UBR2: variants seen among roughly 807,000 people sequenced by gnomAD.
UBR2 encodes E3 ubiquitin-protein ligase UBR2.
UBR2 carries 92 observed loss-of-function variants against 247.9 expected under a neutral mutation model. That is an observed-to-expected ratio of 0.37 (90% CI 0.31 to 0.44). The LOEUF is 0.44. Ranked by LOEUF, UBR2 falls within the 20% of genes least tolerant of loss-of-function variation. The pLI, the probability that UBR2 is intolerant of heterozygous loss-of-function variation, is 1.00. For synonymous variants in UBR2, 672 were observed against 693.5 expected (o/e 0.97, Z 0.49); for missense variants, 1,613 against 2,112.6 (o/e 0.76, Z 4.64).
At position 42,658,089 on chromosome 6, in the gene UBR2, C is replaced by G; in HGVS notation, c.2938C>G (p.Pro980Ala). The change falls in exon 27 of 47, where the codon CCC (proline) becomes GCC (alanine). Residue 980 changes from proline to alanine, a missense_variant. Physicochemically the swap from Pro to Ala is conservative, Grantham distance 27. Around this residue, in one of 3 missense-constraint regions of UBR2, gnomAD observed 1,524 missense variants for 1,967.3 expected, o/e 0.77. Transcript: ENST00000372901. ...LAMLETLQNA[P>A]YLEVHKDMIR... ...TATGCTGGAAACACTACAAAATGCT[C>G]CCTACCTAGAAGTCCACAAAGACAT... 1 of 1,614,072 alleles carries G rather than the reference C, an allele frequency of 6.2e-7. No individual in the cohort carries two copies. Among genetic ancestry groups the G allele is most frequent in the Non-Finnish European group, 8.5e-7 (1 of 1,179,982 alleles).
At chr6:42,595,964 A>C (rs1217858999) in intron 4 of UBR2, among the ~76,000 whole-genome samples, 3 of 151,770 alleles carry the variant, frequency 2.0e-5, no homozygotes, top group Non-Finnish European at 2.9e-5. Context: ...ATTTTTATAT[A>C]GTTGATTGGG....
At chr6:42,667,335 CA>C (rs752155076) in intron 34 of UBR2, among the ~76,000 whole-genome samples, 404 of 132,616 alleles carry the variant, frequency 3.0e-3, no homozygotes, top group Middle Eastern at 3.7e-3. Flanking sequence ...GACCCTATCT[CA>C]AAAAAAAAAA....
rs943824858 is a variant in UBR2, at chr6:42,662,358, G to GA, written c.3536+87dup. The stretch of plus-strand genomic sequence containing the variant: ...TTTAAATAGAGGAAATTTCATTCTA[G>GA]AAAAAAGGAAAAGAACTAAAAATGT... On this transcript the variant is annotated intron_variant, in intron 31 of 46. Transcript: ENST00000372901. The GA allele has an allele frequency of 4.0e-5, 36 of 890,466 alleles. No homozygotes were observed. The African/African-American group carries it at 5.7e-4, about 14-fold the overall frequency. The allele number at this position is 890,466 out of a possible 1,614,324, so 55.2% of individuals were successfully genotyped here.
chr6:42,651,222 CAA>C (rs78106945), intron 23 of UBR2, among the ~76,000 whole-genome samples: 34 of 111,614 alleles, frequency 3.0e-4, no homozygotes, highest in South Asian at 2.8e-4. Flanking sequence ...GACCGTATCT[CAA>C]AAAAAAAAAA....
intron 7 of UBR2, among the ~76,000 whole-genome samples, chr6:42,607,949 T>C (rs1210672384): frequency 6.6e-6 from 1 of 152,134 alleles, no homozygotes; most frequent in Non-Finnish European, 1.5e-5. Context: ...TTTTTAGGTT[T>C]ATCTGTGTTG....
chr6:42,613,264 A>G (rs1448144108), intron 8 of UBR2, among the ~76,000 whole-genome samples: 1 of 152,254 alleles, frequency 6.6e-6, no homozygotes, highest in Non-Finnish European at 1.5e-5. Context: ...TCTTCAGGCA[A>G]CACTGTGGAT....
rs955569334 is a variant in UBR2, at chr6:42,659,230, T to C, written c.3242+406T>C. Among the ~76,000 whole-genome samples, 3 of 152,058 alleles carry C rather than the reference T, an allele frequency of 2.0e-5. No individual in the cohort carries two copies. Among genetic ancestry groups the C allele is most frequent in the Non-Finnish European group, 4.4e-5 (3 of 68,030 alleles). ...TACATTCCTGGCTGTGCGTGGTGGC[T>C]CACGCCTGTAATCCCAGCACTTCGG... is the stretch of plus-strand genomic sequence containing the variant. On this transcript the variant is annotated intron_variant, in intron 29 of 46. Transcript: ENST00000372901. The surrounding 1 kb of genome is among the most constrained non-coding windows in gnomAD (Gnocchi z 4.3).
intron 7 of UBR2, among the ~76,000 whole-genome samples, chr6:42,607,960 A>T (rs1270588853): frequency 6.6e-6 from 1 of 152,016 alleles, no homozygotes; most frequent in Non-Finnish European, 1.5e-5. Flanking sequence ...ATCTGTGTTG[A>T]TAAGTGTTGC....
At chr6:42,673,717 G>T in intron 36 of UBR2, 74 bp from the exon 37 acceptor site, 1 of 1,041,490 alleles carries the variant, frequency 9.6e-7, no homozygotes, top group South Asian at 1.3e-5. Context: ...ATCCAGCTGT[G>T]CTCTGAACTA....
chr6:42,637,161 A>T lies in UBR2; in HGVS notation c.1825A>T (p.Ser609Cys), dbSNP rs1796148864. ...IRYCVSQEKV[S>C]IHLPVSRLLA... ...ATACTGTGTTTCCCAAGAAAAAGTT[A>T]GCATTCACCTCCCAGTTTCTCGCTT... Residue 609 changes from serine to cysteine, a missense_variant, in exon 15 of 47, where the codon AGC (serine) becomes TGC (cysteine). By Grantham distance (112) the Ser-to-Cys change is moderately radical. Transcript: ENST00000372901. 1 of 1,613,178 alleles carries T rather than the reference A, an allele frequency of 6.2e-7. No individual in the cohort carries two copies. Among genetic ancestry groups the T allele is most frequent in the African/African-American group, 1.3e-5 (1 of 74,934 alleles).
At chr6:42,688,768 G>C (rs754094185) in intron 45 of UBR2, among the ~76,000 whole-genome samples, 4 of 152,186 alleles carry the variant, frequency 2.6e-5, no homozygotes, top group Non-Finnish European at 4.4e-5. Flanking sequence ...CTACATGCCA[G>C]CTTGTGATTA....
At chr6:42,611,886 G>A (rs183368216) in intron 7 of UBR2, among the ~76,000 whole-genome samples, 5 of 144,900 alleles carry the variant, frequency 3.5e-5, no homozygotes, top group Admixed American at 7.3e-5. Flanking sequence ...CAGCCTGGGT[G>A]ACAGAGCGAG....
At position 42,683,805 on chromosome 6, in the gene UBR2, G is replaced by A. The variant is rs138002182; in HGVS notation, c.4775+694G>A. ...CATTTGTTGTTATCTGGTAGAGTAT[G>A]CTTTACTACAGAATCCAAACAGAAG... On this transcript the variant is annotated intron_variant, in intron 43 of 46. Transcript: ENST00000372901. Among the ~76,000 whole-genome samples the A allele has an allele frequency of 5.7e-3, 868 of 152,312 alleles. 11 individuals are homozygous for A. Among genetic ancestry groups the A allele is most frequent in the African/African-American group, 0.019 (776 of 41,566 alleles).
rs773297304 is a variant in UBR2 at position 42,605,823 on chromosome 6, A to G, written c.765A>G (p.Lys255=). 35 of 1,612,546 alleles carry G rather than the reference A, an allele frequency of 2.2e-5. No individual in the cohort carries two copies. In the Middle Eastern group the frequency reaches 8.2e-4, roughly 38 times the overall value. The change falls in exon 6 of 47, where the codon AAA becomes AAG. Residue 255 remains lysine (K), a synonymous_variant. Coordinates refer to ENST00000372901, the MANE Select transcript of UBR2 (RefSeq NM_001363705.2). The part of the protein sequence containing the change: ...TLQKAVNCTQ[K]EAIGFATTVD... ...AGAAAGCTGTTAACTGTACACAAAA[A>G]GAAGCTATTGGTTTTGCAACTACAG...
At position 42,573,965 on chromosome 6, in the gene UBR2, A is replaced by G; in HGVS notation, c.310A>G (p.Lys104Glu). 3 of 1,611,362 alleles carry G rather than the reference A, an allele frequency of 1.9e-6. No individual in the cohort carries two copies. The highest frequency in any genetic ancestry group is 2.5e-6 in the Non-Finnish European group (3 of 1,178,940). Residue 104 changes from lysine (K) to glutamate (E), a missense_variant, in exon 2 of 47, where the codon AAA becomes GAA. Physicochemically the swap from Lys to Glu is moderately conservative, Grantham distance 56. Coordinates refer to ENST00000372901, the MANE Select transcript of UBR2 (RefSeq NM_001363705.2). ...TTCTCATCTTTGTGGTCGTGTTTTTAAAGTAGGAGAGCCTACATATTCTTG... is the reference window on the plus strand; with the variant it reads ...TTCTCATCTTTGTGGTCGTGTTTTTGAAGTAGGAGAGCCTACATATTCTTG... Reference protein sequence around the residue: ...KPSHLCGRVFKVGEPTYSCRD... With the variant: ...KPSHLCGRVFEVGEPTYSCRD...
intron 4 of UBR2, among the ~76,000 whole-genome samples, chr6:42,601,972 C>A (rs1377397250): frequency 1.0e-5 from 1 of 100,372 alleles, no homozygotes; most frequent in Non-Finnish European, 2.2e-5. Flanking sequence ...TGGGTTCAAG[C>A]GATTCTCCTG....
intron 2 of UBR2, among the ~76,000 whole-genome samples, chr6:42,591,518 G>C (rs1252787938): frequency 6.6e-6 from 1 of 152,134 alleles, no homozygotes; most frequent in African/African-American, 2.4e-5. Flanking sequence ...CCAACCTTTT[G>C]AAACTCTTCA....
chr6:42,590,068 C>T (rs186655346), intron 2 of UBR2, among the ~76,000 whole-genome samples: 10 of 152,226 alleles, frequency 6.6e-5, no homozygotes, highest in Admixed American at 4.6e-4. Context: ...ATTCCGAAGA[C>T]TCCAGTTACA....
chr6:42,671,180 C>A, intron 36 of UBR2, among the ~76,000 whole-genome samples: 3 of 112,654 alleles, frequency 2.7e-5, no homozygotes, highest in African/African-American at 3.5e-5. Flanking sequence ...AGTGAAACTC[C>A]ATCTCAAAAA....
Sources: allele counts gnomAD v4.1 joint callset (sites outside exome capture counted in the v4.1 genomes callset), GRCh38; gene constraint gnomAD v4.1.1; regional missense constraint gnomAD v4.1.1; non-coding constraint Gnocchi (gnomAD v3.1); transcripts MANE v1.5; gene names NCBI Gene and HGNC (gene_info 2026-07-23, HGNC 2026-07-21).